Variants in AGTPBP1 observed in about 807,000 individuals in gnomAD.
AGTPBP1 encodes the protein ATP/GTP binding carboxypeptidase 1.
AGTPBP1 carries 70 observed loss-of-function variants against 143.9 expected under a neutral mutation model. The observed-to-expected ratio is 0.49, with a 90% CI of 0.40 to 0.59. AGTPBP1 has a LOEUF of 0.59. Ranked by LOEUF, AGTPBP1 falls within the 20% of genes least tolerant of loss-of-function variation. The pLI is 0.00. For missense variants in AGTPBP1, 1,229 were observed against 1,464.5 expected (o/e 0.84, Z 2.62); for synonymous variants, 463 against 500.2 (o/e 0.93, Z 0.99).
intron 13 of AGTPBP1, among the ~76,000 whole-genome samples, chr9:85,640,947 G>A (rs1360789527): frequency 6.6e-6 from 1 of 152,164 alleles, no homozygotes; most frequent in African/African-American, 2.4e-5. Context: ...AAATGGAAAA[G>A]TACAGAAATA....
chr9:85,640,355 GTAAA>G (rs1832383431), intron 13 of AGTPBP1, among the ~76,000 whole-genome samples: 1 of 152,184 alleles, frequency 6.6e-6, no homozygotes, highest in South Asian at 2.1e-4. Flanking sequence ...TTCTGATTAT[GTAAA>G]TAAAAGACGA....
At position 85,678,350 on chromosome 9, in the gene AGTPBP1, C is replaced by A; in HGVS notation, c.274G>T (p.Glu92Ter). The change falls in exon 5 of 26, where the codon GAG (glutamate) becomes TAG (stop). Residue 92 changes from glutamate (E) to a stop codon, truncating the protein, a stop_gained. Coordinates refer to ENST00000357081, the MANE Select transcript of AGTPBP1 (RefSeq NM_001330701.2). LOFTEE classifies it high-confidence loss of function. ...AAAAACTTACCAGCTGACACCAGCT[C>A]AACAAGAATGCTTAAGATATTAAGT... Reference protein sequence around the residue: ...TTLNILSILVELVSAGGGRRV... With the variant: ...TTLNILSILV The A allele has an allele frequency of 6.3e-7, 1 of 1,595,872 alleles. No homozygotes were observed. The highest frequency in any genetic ancestry group is 1.1e-5 in the South Asian group (1 of 88,598).
At chr9:85,750,685 G>A in the AGTPBP1 span, among the ~76,000 whole-genome samples, 1 of 152,132 alleles carries the variant, frequency 6.6e-6, no homozygotes, top group Non-Finnish European at 1.5e-5. Flanking sequence ...ATTGTGACCA[G>A]CTGGAAATTG....
At chr9:85,599,110 A>ACACAC (rs1829489991) in intron 17 of AGTPBP1, among the ~76,000 whole-genome samples, 1 of 135,430 alleles carries the variant, frequency 7.4e-6, no homozygotes, top group Admixed American at 7.3e-5. Flanking sequence ...CTTGTCACTG[A>ACACAC]ACACACACAC....
chr9:85,715,898 G>A (rs933865936), intron 1 of AGTPBP1, among the ~76,000 whole-genome samples: 2 of 152,168 alleles, frequency 1.3e-5, no homozygotes, highest in Admixed American at 6.5e-5. Flanking sequence ...AACTGAGCTC[G>A]AAATTTAGGT....
intron 14 of AGTPBP1, among the ~76,000 whole-genome samples, chr9:85,629,808 A>G (rs937407582): frequency 3.3e-5 from 5 of 152,226 alleles, no homozygotes; most frequent in Admixed American, 1.3e-4. Flanking sequence ...TAACATAAAC[A>G]GGTAAAATAT....
At chr9:85,611,621 A>T (rs1305047056) in intron 17 of AGTPBP1, among the ~76,000 whole-genome samples, 2 of 152,232 alleles carry the variant, frequency 1.3e-5, no homozygotes, top group Non-Finnish European at 2.9e-5. Context: ...TTAGGTAGAT[A>T]GAGAAGACAA....
intron 9 of AGTPBP1, among the ~76,000 whole-genome samples, chr9:85,660,152 T>A (rs1179987508): frequency 6.6e-6 from 1 of 151,974 alleles, no homozygotes; most frequent in African/African-American, 2.4e-5. Flanking sequence ...GACAGACAGT[T>A]CTTGATGAGC....
chr9:85,747,536 C>T, the AGTPBP1 span, among the ~76,000 whole-genome samples: 1 of 152,164 alleles, frequency 6.6e-6, no homozygotes, highest in African/African-American at 2.4e-5. Context: ...TTTAGGTCTT[C>T]ATTAATTTCT....
In AGTPBP1 at chr9:85,566,529, C is replaced by CAAAAAAAAAAA. The variant is rs72129899; in HGVS notation, c.3503+8775_3503+8785dup. 4.8e-4 allele frequency among the ~76,000 whole-genome samples: 38 copies of CAAAAAAAAAAA among 78,538 alleles called. 2 individuals carry two copies. The highest frequency in any genetic ancestry group is 2.2e-3 in the African/African-American group (38 of 17,268). 51.5% of individuals were successfully genotyped at this position (78,538 alleles called of 152,430 possible). The stretch of plus-strand genomic sequence containing the variant: ...TGGGCAACAGATCAAGACCATGTCT[C>CAAAAAAAAAAA]AAAAAAAAAAAAAAAAAAAAGGCTG... On this transcript the variant is annotated intron_variant, in intron 25 of 25. Coordinates refer to ENST00000357081, the MANE Select transcript of AGTPBP1 (RefSeq NM_001330701.2).
At chr9:85,600,646 CA>C (rs1829605489) in intron 17 of AGTPBP1, among the ~76,000 whole-genome samples, 1 of 152,204 alleles carries the variant, frequency 6.6e-6, no homozygotes, top group Non-Finnish European at 1.5e-5. Context: ...CAATCCTAGC[CA>C]GGGGGGAGCC....
At chr9:85,569,520 GAAATT>G (rs1266994435) in intron 25 of AGTPBP1, among the ~76,000 whole-genome samples, 1 of 152,144 alleles carries the variant, frequency 6.6e-6, no homozygotes, top group Non-Finnish European at 1.5e-5. Flanking sequence ...GATCTGATCT[GAAATT>G]ATAAAGCTGG....
chr9:85,774,548 A>G, the AGTPBP1 span, among the ~76,000 whole-genome samples: 25 of 152,336 alleles, frequency 1.6e-4, no homozygotes, highest in Non-Finnish European at 3.5e-4. Context: ...ACATACCATT[A>G]TCAGTGAGCA....
chr9:85,693,054 C>T (rs996863240), intron 2 of AGTPBP1, among the ~76,000 whole-genome samples: 1 of 152,312 alleles, frequency 6.6e-6, no homozygotes, highest in South Asian at 2.1e-4. Context: ...AATATCCCTT[C>T]AACCCTGTTC....
chr9:85,606,930 G>C (rs1177386072), intron 17 of AGTPBP1, among the ~76,000 whole-genome samples: 2 of 151,986 alleles, frequency 1.3e-5, no homozygotes, highest in Non-Finnish European at 2.9e-5. Context: ...GGGGTGAAGA[G>C]AGGTTGGTTA....
intron 8 of AGTPBP1, among the ~76,000 whole-genome samples, chr9:85,664,436 A>C (rs1834018319): frequency 6.6e-6 from 1 of 152,154 alleles, no homozygotes; most frequent in Non-Finnish European, 1.5e-5. Flanking sequence ...TCTTCAGCCT[A>C]AAGTTCATTT....
At chr9:85,684,669 G>A (rs1835382705) in intron 3 of AGTPBP1, among the ~76,000 whole-genome samples, 1 of 151,854 alleles carries the variant, frequency 6.6e-6, no homozygotes, top group Non-Finnish European at 1.5e-5. Flanking sequence ...TGCTTTTGTT[G>A]TGATCAGTAA....
At chr9:85,658,946 T>C (rs1833694652) in intron 9 of AGTPBP1, among the ~76,000 whole-genome samples, 1 of 152,194 alleles carries the variant, frequency 6.6e-6, no homozygotes. Flanking sequence ...ACACTTTGTT[T>C]ATACCAGTTG....
intron 2 of AGTPBP1, among the ~76,000 whole-genome samples, chr9:85,696,609 A>G (rs1422964638): frequency 2.0e-5 from 3 of 152,040 alleles, no homozygotes; most frequent in Non-Finnish European, 4.4e-5. Flanking sequence ...TGGAGGCTGC[A>G]GTGAGCCAAG....
Sources: gnomAD v4.1 joint callset for allele counts (sites outside exome capture counted in the v4.1 genomes callset) on GRCh38, gnomAD v4.1.1 for gene constraint, MANE v1.5 for transcripts, NCBI Gene and HGNC (gene_info 2026-07-23, HGNC 2026-07-21) for gene names.